The following RGPD4 variants were observed in gnomAD, a reference collection of about 807,000 sequenced individuals.
RGPD4 encodes RANBP2 like and GRIP domain containing 4, also known as ranBP2-like and GRIP domain-containing protein 4.
Under a neutral mutation model 141.1 loss-of-function variants are expected in RGPD4, and 84 were observed. The observed-to-expected ratio is 0.60, with a 90% CI of 0.50 to 0.71. The LOEUF is 0.71. Ranked by LOEUF, RGPD4 falls within the 30% of genes least tolerant of loss-of-function variation. The pLI, the probability that RGPD4 is intolerant of heterozygous loss-of-function variation, is 0.00. For missense variants in RGPD4, 918 were observed against 1,622.4 expected (o/e 0.57, Z 7.46); for synonymous variants, 298 against 566.8 (o/e 0.53, Z 6.74).
intron 17 of RGPD4, among the ~76,000 whole-genome samples, chr2:107,865,840 G>A (rs1682709655): frequency 6.9e-6 from 1 of 145,908 alleles, no homozygotes; most frequent in South Asian, 2.2e-4. Context: ...GGAGGCTGAG[G>A]TGGTGGATCA....
chr2:107,870,816 G>C lies in RGPD4; in HGVS notation c.2812G>C (p.Glu938Gln), dbSNP rs375663905. 2 of 1,606,420 alleles carry C rather than the reference G, an allele frequency of 1.2e-6. No individual in the cohort carries two copies. Among genetic ancestry groups the C allele is most frequent in the African/African-American group, 2.7e-5 (2 of 74,286 alleles). The change falls in exon 20 of 23, where the codon GAA (glutamate) becomes CAA (glutamine). Residue 938 changes from glutamate (E) to glutamine (Q), a missense_variant. By Grantham distance (29) the Glu-to-Gln change is conservative. Transcript: ENST00000408999. ...ACCAGGAAATCAAGAAAAGGAAAGT[G>C]AAAAGCCTCTTGAAAATGATACTGG... ...SEPGNQEKES[E>Q]KPLENDTGFQ...
At chr2:107,827,180 T>C (rs1415026426) in intron 1 of RGPD4, 95 bp downstream of exon 1, 5 of 344,094 alleles carry the variant, frequency 1.5e-5, no homozygotes, top group Non-Finnish European at 1.7e-5. Context: ...TCAGGCGTCA[T>C]GGCTCCCGAC....
At position 107,880,259 on chromosome 2, in the gene RGPD4, C is replaced by CTTTTTTT. The variant is rs58305715; in HGVS notation, c.5064+170_5064+176dup. ...GATTCCTGATGGTGAGAAATATTGC[C>CTTTTTTT]TTTTTTTTTTTTTTTTTTTTTTTTG... On this transcript the variant is annotated intron_variant, in intron 21 of 22. Coordinates refer to ENST00000408999, the MANE Select transcript of RGPD4 (RefSeq NM_182588.3). Among the ~76,000 whole-genome samples, 26 of 48,172 alleles carry CTTTTTTT rather than the reference C, an allele frequency of 5.4e-4. 2 individuals carry two copies. The highest frequency in any genetic ancestry group is 1.3e-3 in the South Asian group (1 of 774). 31.6% of individuals were successfully genotyped at this position (48,172 alleles called of 152,430 possible). A position where few individuals can be genotyped will look rare whatever the true frequency, so the allele number is the denominator to read the frequency against.
chr2:107,831,838 C>T (rs984738753), intron 1 of RGPD4, among the ~76,000 whole-genome samples: 2 of 140,886 alleles, frequency 1.4e-5, no homozygotes, highest in East Asian at 2.0e-4. Context: ...CCCAAAGTGC[C>T]GGGATTACAG....
At chr2:107,854,871 ACT>A (rs1218796205) in intron 8 of RGPD4, among the ~76,000 whole-genome samples, 13 of 149,268 alleles carry the variant, frequency 8.7e-5, no homozygotes, top group Non-Finnish European at 1.8e-4. Flanking sequence ...GGATTTCTTA[ACT>A]CTTTCTTCAT....
chr2:107,829,812 T>C (rs1681408331), intron 1 of RGPD4, among the ~76,000 whole-genome samples: 1 of 152,086 alleles, frequency 6.6e-6, no homozygotes, highest in Non-Finnish European at 1.5e-5. Context: ...GGCCCCGTAG[T>C]ACCCGCGCAG....
chr2:107,858,384 C>T (rs1682402815), intron 9 of RGPD4, among the ~76,000 whole-genome samples: 1 of 151,624 alleles, frequency 6.6e-6, no homozygotes, highest in Non-Finnish European at 1.5e-5. Flanking sequence ...TTCATGCTTC[C>T]AGAAGCACAT....
chr2:107,886,811 C>T (rs531500077), intron 22 of RGPD4, among the ~76,000 whole-genome samples: 1 of 152,174 alleles, frequency 6.6e-6, no homozygotes, highest in East Asian at 1.9e-4. Context: ...TTTTACCTCT[C>T]TCATCTCCTT....
At chr2:107,879,916 T>G in intron 20 of RGPD4, 52 bp from the exon 21 acceptor site, 1 of 1,600,532 alleles carries the variant, frequency 6.2e-7, no homozygotes, top group Admixed American at 1.7e-5. Context: ...TTTAGAATCT[T>G]CATCTGTAAT....
At chr2:107,883,844 G>A (rs1193524682) in intron 22 of RGPD4, among the ~76,000 whole-genome samples, 2 of 151,998 alleles carry the variant, frequency 1.3e-5, no homozygotes, top group Admixed American at 6.6e-5. Flanking sequence ...CAAGGAAGGC[G>A]CTATAATCTC....
At chr2:107,855,516 TTA>T (rs922646146) in intron 8 of RGPD4, among the ~76,000 whole-genome samples, 27 of 152,308 alleles carry the variant, frequency 1.8e-4, no homozygotes, top group Middle Eastern at 3.4e-3. Context: ...GTATTTTTTT[TTA>T]TGTCTTTGAT....
Position 107,872,817 on chromosome 2 carries a change from T to C in RGPD4, c.4813T>C (p.Ser1605Pro). 1.2e-6 allele frequency: 2 copies of C among 1,609,204 alleles called. No individual in the cohort carries two copies. The highest frequency in any genetic ancestry group is 1.7e-6 in the Non-Finnish European group (2 of 1,179,262). Residue 1605 changes from serine (S) to proline (P), a missense_variant, in exon 20 of 23, where the codon TCA becomes CCA. Physicochemically the swap from Ser to Pro is moderately conservative, Grantham distance 74. Coordinates refer to ENST00000408999, the MANE Select transcript of RGPD4 (RefSeq NM_182588.3). Reference protein sequence around the residue: ...SKVEPKKCELSKNSDIEQSSD... With the variant: ...SKVEPKKCELPKNSDIEQSSD... ...AGTGGAACCTAAAAAATGTGAACTG[T>C]CAAAGAACTCTGATATCGAACAGTC...
At chr2:107,829,807 C>G (rs947110727) in intron 1 of RGPD4, among the ~76,000 whole-genome samples, 14 of 152,200 alleles carry the variant, frequency 9.2e-5, no homozygotes, top group East Asian at 1.9e-4. Context: ...TTTCTGGCCC[C>G]GTAGTACCCG....
rs1359735203 is a variant in RGPD4 at position 107,827,371 on chromosome 2, G to C, written c.72+286G>C. The stretch of plus-strand genomic sequence containing the variant: ...TGGCTCAGGCGTCATGCCTCCCGAC[G>C]GGCGCTGCTCCCTGGCGCGCTCTGT... On this transcript the variant is annotated intron_variant, in intron 1 of 22. Coordinates refer to ENST00000408999, the MANE Select transcript of RGPD4 (RefSeq NM_182588.3). Among the ~76,000 whole-genome samples the C allele has an allele frequency of 4.9e-5, 5 of 101,332 alleles. 1 individual carries two copies. Among genetic ancestry groups the C allele is most frequent in the African/African-American group, 2.1e-4 (5 of 24,174 alleles). The allele number at this position is 101,332 out of a possible 152,430, so 66.5% of individuals were successfully genotyped here. A position where few individuals can be genotyped will look rare whatever the true frequency, so the allele number is the denominator to read the frequency against.
At chr2:107,847,849 AATTT>A (rs1299054326) in intron 6 of RGPD4, among the ~76,000 whole-genome samples, 2 of 117,108 alleles carry the variant, frequency 1.7e-5, no homozygotes. Context: ...AAAAAAAGAC[AATTT>A]ATTTAATGCT....
At chr2:107,857,155 G>A (rs1472137439) in intron 9 of RGPD4, among the ~76,000 whole-genome samples, 186 bp downstream of exon 9, 4 of 144,174 alleles carry the variant, frequency 2.8e-5, no homozygotes, top group Admixed American at 7.0e-5. Context: ...TGTTGTTTTT[G>A]AGACCAAGTT....
In RGPD4 at chr2:107,869,227, A is replaced by G. The variant is rs535353795; in HGVS notation, c.2606-656A>G. Reference sequence around the variant, plus strand: ...GGTAAAACTATCATAAAACAGTTGAAGCAAATGACTATTGGTAGTTTTGTC... The same window carrying G: ...GGTAAAACTATCATAAAACAGTTGAGGCAAATGACTATTGGTAGTTTTGTC... On this transcript the variant is annotated intron_variant, in intron 18 of 22. Transcript: ENST00000408999. Among the ~76,000 whole-genome samples, 2 of 71,752 alleles carry G rather than the reference A, an allele frequency of 2.8e-5. 1 individual carries two copies. Among genetic ancestry groups the G allele is most frequent in the Non-Finnish European group, 6.3e-5 (2 of 31,878 alleles). 47.1% of individuals were successfully genotyped at this position (71,752 alleles called of 152,430 possible). A position where few individuals can be genotyped will look rare whatever the true frequency, so the allele number is the denominator to read the frequency against.
intron 1 of RGPD4, among the ~76,000 whole-genome samples, chr2:107,828,465 G>A (rs1325934605): frequency 1.4e-5 from 1 of 72,086 alleles, no homozygotes; most frequent in East Asian, 3.9e-4. Flanking sequence ...CCCGACGGGC[G>A]CTGCTCCCTG....
Position 107,870,761 on chromosome 2 carries a change from T to C in RGPD4, c.2757T>C (p.Ser919=). ...AAGAAGGATTTTCCATCCCTGTGTC[T>C]GCTGATGGATTTAAATTTGGCATTT... is the stretch of plus-strand genomic sequence containing the variant. ...STKEGFSIPV[S]ADGFKFGISE... The change falls in exon 20 of 23, where the codon TCT becomes TCC. Residue 919 remains serine, a synonymous_variant. Coordinates refer to ENST00000408999, the MANE Select transcript of RGPD4 (RefSeq NM_182588.3). 6.2e-7 allele frequency: 1 copy of C among 1,610,380 alleles called. No homozygotes were observed. Among genetic ancestry groups the C allele is most frequent in the Non-Finnish European group, 8.5e-7 (1 of 1,179,398 alleles).
Sources: gnomAD v4.1 joint callset for allele counts (sites outside exome capture counted in the v4.1 genomes callset) on GRCh38, gnomAD v4.1.1 for gene constraint, MANE v1.5 for transcripts, NCBI Gene and HGNC (gene_info 2026-07-23, HGNC 2026-07-21) for gene names.